The following SLC29A3 variants were observed in gnomAD, a reference collection of about 807,000 sequenced individuals.
SLC29A3 encodes the protein equilibrative nucleoside transporter 3.
SLC29A3 carries 18 observed loss-of-function variants against 25.4 expected under a neutral mutation model. The ratio of observed to expected loss-of-function variants is 0.71; its 90% CI spans 0.49 to 1.05. The LOEUF (loss-of-function observed/expected upper bound fraction) is 1.05, where lower values mean the gene tolerates loss of function less well. Ranked by LOEUF, SLC29A3 falls within the 50% of genes least tolerant of loss-of-function variation. The pLI is 0.00. For synonymous variants in SLC29A3, 258 were observed against 267.1 expected, an observed-to-expected ratio of 0.97 and a Z score of 0.33; for missense variants, 586 against 609.0, an observed-to-expected ratio of 0.96 and a Z score of 0.40.
intron 1 of SLC29A3, chr10:71,319,644 G>A: frequency 9.6e-6 from 3 of 311,390 alleles, no homozygotes; most frequent in Non-Finnish European, 1.8e-5. Context: ...CCAGCTGCGG[G>A]GCCTGAGGCT....
intron 2 of SLC29A3, among the ~76,000 whole-genome samples, chr10:71,340,805 A>T (rs1431361995): frequency 6.6e-6 from 1 of 152,230 alleles, no homozygotes; most frequent in Non-Finnish European, 1.5e-5. Flanking sequence ...CAAAGTAAAT[A>T]ATCAAGAGTG....
chr10:71,336,678 G>A (rs894921239), intron 2 of SLC29A3, among the ~76,000 whole-genome samples: 2 of 152,028 alleles, frequency 1.3e-5, no homozygotes, highest in Non-Finnish European at 2.9e-5. Context: ...AGAAAGGTGG[G>A]ATTCATGGTG....
chr10:71,362,364 T>A lies in SLC29A3; in HGVS notation c.1184T>A (p.Leu395His). Residue 395 changes from leucine (L) to histidine (H), a missense_variant, in exon 6 of 6, where the codon CTC becomes CAC. Transcript: ENST00000373189. ...LRTCLIPLFV[L>H]CNYQPRVHLK... ...ACCTGCCTCATCCCCCTCTTCGTGC[T>A]CTGTAACTACCAGCCCCGCGTCCAC... is the stretch of plus-strand genomic sequence containing the variant. 6.2e-7 allele frequency: 1 copy of A among 1,614,088 alleles called. No individual in the cohort carries two copies. The highest frequency in any genetic ancestry group is 2.2e-5 in the East Asian group (1 of 44,852).
chr10:71,365,624 C>T (rs1051218948), downstream of SLC29A3: 6 of 152,136 alleles, frequency 3.9e-5, no homozygotes, highest in Non-Finnish European at 7.3e-5. Flanking sequence ...GGTTACTCAC[C>T]TTAGTGGGCA....
chr10:71,324,850 G>C (rs1183234549), intron 2 of SLC29A3, among the ~76,000 whole-genome samples: 3 of 152,240 alleles, frequency 2.0e-5, no homozygotes, highest in South Asian at 4.1e-4. Context: ...TCTTGGCTAA[G>C]ACTGAGTTGG....
chr10:71,349,060 G>T (rs984882873), intron 3 of SLC29A3, among the ~76,000 whole-genome samples: 1 of 152,022 alleles, frequency 6.6e-6, no homozygotes, highest in Non-Finnish European at 1.5e-5. Context: ...CTCTTAGGAG[G>T]TGTTCCTTAC....
chr10:71,354,861 T>C (rs1047938037), intron 4 of SLC29A3, among the ~76,000 whole-genome samples: 7 of 152,290 alleles, frequency 4.6e-5, no homozygotes, highest in African/African-American at 1.4e-4. Flanking sequence ...ACAGGACAAG[T>C]GTTAGCCCCA....
chr10:71,333,338 A>G (rs913242112), intron 2 of SLC29A3, among the ~76,000 whole-genome samples: 10 of 152,176 alleles, frequency 6.6e-5, no homozygotes, highest in East Asian at 1.9e-4. Context: ...GTTTCTCCCT[A>G]TGTGCCTGTG....
downstream of SLC29A3, among the ~76,000 whole-genome samples, chr10:71,367,797 A>G (rs1433503822): frequency 6.6e-6 from 1 of 152,228 alleles, no homozygotes; most frequent in Non-Finnish European, 1.5e-5. Context: ...GAGGAGCTCC[A>G]GGGCCACAGC....
At chr10:71,355,360 A>G (rs1038330436) in intron 4 of SLC29A3, among the ~76,000 whole-genome samples, 78 of 152,150 alleles carry the variant, frequency 5.1e-4, no homozygotes, top group Admixed American at 2.2e-3. Flanking sequence ...CTCACAGGTA[A>G]TGTGTGTCAA....
chr10:71,351,750 G>A lies in SLC29A3; in HGVS notation c.572G>A (p.Gly191Asp). 5.0e-6 allele frequency: 8 copies of A among 1,613,842 alleles called. No homozygotes were observed. Among genetic ancestry groups the A allele is most frequent in the Non-Finnish European group, 5.9e-6 (7 of 1,180,006 alleles). The stretch of plus-strand genomic sequence containing the variant: ...AGCAGCAGCATCTACGGCATGACCG[G>A]CTCCTTTCCTATGAGGAACTCCCAG... ...VFSSSIYGMT[G>D]SFPMRNSQAL... The change falls in exon 4 of 6, where the codon GGC becomes GAC. Residue 191 changes from glycine to aspartate, a missense_variant. By Grantham distance (94) the Gly-to-Asp change is moderately conservative. Coordinates refer to ENST00000373189, the MANE Select transcript of SLC29A3 (RefSeq NM_018344.6).
chr10:71,365,251 AAAAG>A (rs1327163562), downstream of SLC29A3: 7 of 152,328 alleles, frequency 4.6e-5, no homozygotes, highest in African/African-American at 1.4e-4. Flanking sequence ...AAAAGAAAGA[AAAAG>A]AAAAAGAAAT....
intron 2 of SLC29A3, among the ~76,000 whole-genome samples, chr10:71,340,097 T>G (rs930701482): frequency 6.6e-6 from 1 of 152,214 alleles, no homozygotes; most frequent in African/African-American, 2.4e-5. Context: ...CTAACCAGCC[T>G]AAGGGTCTCC....
At chr10:71,381,254 C>A (rs764930556) in exon 5 of SLC29A3, 3 of 152,124 alleles carry the variant, frequency 2.0e-5, no homozygotes, top group Non-Finnish European at 4.4e-5. Context: ...ATGCTCTGCT[C>A]TGCTGGGGGA....
At chr10:71,334,372 A>G (rs7080325) in intron 2 of SLC29A3, among the ~76,000 whole-genome samples, 85,831 of 152,134 alleles carry the variant, frequency 0.56, 26,240 homozygotes, top group African/African-American at 0.82. Context: ...CCCGGGGGTA[A>G]CCCGCTGCTA....
chr10:71,329,214 G>A (rs1327543283), intron 2 of SLC29A3, among the ~76,000 whole-genome samples: 1 of 152,170 alleles, frequency 6.6e-6, no homozygotes, highest in South Asian at 2.1e-4. Context: ...TAGAACTGCA[G>A]AGCCCATGCT....
At chr10:71,377,839 C>T (rs963899465) in intron 4 of SLC29A3, among the ~76,000 whole-genome samples, 9 of 39,392 alleles carry the variant, frequency 2.3e-4, no homozygotes, top group Admixed American at 1.7e-3. Context: ...TTAATTTGAT[C>T]ATCTGATTTT....
intron 4 of SLC29A3, among the ~76,000 whole-genome samples, chr10:71,353,138 A>G (rs748100780): frequency 4.6e-5 from 7 of 152,170 alleles, no homozygotes; most frequent in Admixed American, 6.5e-5. Context: ...TCAGCGCAGC[A>G]CTTGAGGCAG....
intron 3 of SLC29A3, among the ~76,000 whole-genome samples, chr10:71,347,244 A>G (rs1310417036): frequency 2.6e-5 from 4 of 152,184 alleles, no homozygotes; most frequent in Non-Finnish European, 5.9e-5. Context: ...AGCATCATAA[A>G]TACTTATGAG....
Sources: allele counts gnomAD v4.1 joint callset (sites outside exome capture counted in the v4.1 genomes callset), GRCh38; gene constraint gnomAD v4.1.1; transcripts MANE v1.5; gene names NCBI Gene and HGNC (gene_info 2026-07-23, HGNC 2026-07-21).